DMRT3: variants seen among roughly 807,000 people sequenced by gnomAD.
DMRT3 encodes doublesex- and mab-3-related transcription factor 3.
DMRT3 carries 29 observed loss-of-function variants against 34.9 expected under a neutral mutation model. The observed-to-expected ratio is 0.83, with a 90% CI of 0.62 to 1.13. DMRT3 has a LOEUF of 1.13. DMRT3 is among the 50% of genes most tolerant of loss of function. The probability of loss-of-function intolerance (pLI) is 0.00; values close to 1 mark genes in which losing one functional copy is unlikely to be tolerated. For missense variants in DMRT3, 772 were observed against 629.1 expected (o/e 1.23, Z -2.43); for synonymous variants, 350 against 286.0 (o/e 1.22, Z -2.26).
chr9:990,245 GC>G lies in DMRT3; in HGVS notation c.663del (p.Lys222SerfsTer10). ...GGCAACCCCGAGAGCCGCCCTGACA[GC>G]CCCAAGTGTCACGCGGAGCAGAATC... is the stretch of plus-strand genomic sequence containing the variant. ...NGGNPESRPD[S>X]PKCHAEQNHL... On this transcript the variant is annotated frameshift_variant, in exon 2 of 2. Coordinates refer to ENST00000190165, the MANE Select transcript of DMRT3 (RefSeq NM_021240.4). LOFTEE classifies it high-confidence loss of function. 2 of 1,614,026 alleles carry G rather than the reference GC, an allele frequency of 1.2e-6. No homozygotes were observed. Among genetic ancestry groups the G allele is most frequent in the Non-Finnish European group, 1.7e-6 (2 of 1,180,028 alleles).
At position 990,889 on chromosome 9, in the gene DMRT3, A is replaced by G. The variant is rs1586687447; in HGVS notation, c.1303A>G (p.Ile435Val). The change falls in exon 2 of 2, where the codon ATT (isoleucine) becomes GTT (valine). Residue 435 changes from isoleucine to valine, a missense_variant. Coordinates refer to ENST00000190165, the MANE Select transcript of DMRT3 (RefSeq NM_021240.4). Reference sequence around the variant, plus strand: ...TGCCCGCGCCACGGAAGACCCTCGGATTTCCATCCCTGATGATGGGTGTCC... The same window carrying G: ...TGCCCGCGCCACGGAAGACCCTCGGGTTTCCATCCCTGATGATGGGTGTCC... ...LPARATEDPRISIPDDGCPFV... is the reference protein window; with the variant it reads ...LPARATEDPRVSIPDDGCPFV... 6.2e-7 allele frequency: 1 copy of G among 1,614,096 alleles called. No individual in the cohort carries two copies. The highest frequency in any genetic ancestry group is 8.5e-7 in the Non-Finnish European group (1 of 1,180,038).
At chr9:987,853 A>T (rs892383646) in intron 1 of DMRT3, among the ~76,000 whole-genome samples, 1 of 152,164 alleles carries the variant, frequency 6.6e-6, no homozygotes, top group African/African-American at 2.4e-5. Context: ...TTGTTTTTCC[A>T]ATTTCTAAAA....
At chr9:983,909 T>C (rs1204161167) in intron 1 of DMRT3, among the ~76,000 whole-genome samples, 1 of 67,698 alleles carries the variant, frequency 1.5e-5, no homozygotes, top group East Asian at 3.7e-4. Context: ...GCATGGCTAG[T>C]TTTTTTTTTT....
chr9:988,139 C>T (rs1820307916), intron 1 of DMRT3, among the ~76,000 whole-genome samples: 1 of 152,020 alleles, frequency 6.6e-6, no homozygotes, highest in African/African-American at 2.4e-5. Context: ...ATTTCTCTTA[C>T]AAAAATAGAG....
At chr9:984,472 T>A (rs189410253) in intron 1 of DMRT3, among the ~76,000 whole-genome samples, 319 of 152,116 alleles carry the variant, frequency 2.1e-3, no homozygotes, top group Admixed American at 3.9e-3. Context: ...TTTTTTTTTT[T>A]ATTTAGACAG....
intron 1 of DMRT3, among the ~76,000 whole-genome samples, chr9:987,597 T>G (rs927789251): frequency 6.6e-6 from 1 of 152,200 alleles, no homozygotes; most frequent in Non-Finnish European, 1.5e-5. Context: ...CAGGCCCTGT[T>G]TGCTTCTTCT....
At chr9:989,136 A>T (rs1230925130) in intron 1 of DMRT3, among the ~76,000 whole-genome samples, 1 of 152,184 alleles carries the variant, frequency 6.6e-6, no homozygotes. Flanking sequence ...GTATCTTCAA[A>T]TTTCACTGGC....
At chr9:981,471 G>C (rs557884981) in intron 1 of DMRT3, among the ~76,000 whole-genome samples, 5 of 152,234 alleles carry the variant, frequency 3.3e-5, no homozygotes, top group African/African-American at 1.2e-4. Flanking sequence ...TGAGGGTGAG[G>C]GGCTTGACTC....
In DMRT3 at chr9:990,311, C is replaced by G; in HGVS notation, c.725C>G (p.Pro242Arg). 1.2e-6 allele frequency: 2 copies of G among 1,613,728 alleles called. No homozygotes were observed. Among genetic ancestry groups the G allele is most frequent in the Non-Finnish European group, 1.7e-6 (2 of 1,180,016 alleles). The change falls in exon 2 of 2, where the codon CCC becomes CGC. Residue 242 changes from proline (P) to arginine (R), a missense_variant. Transcript: ENST00000190165. Reference protein sequence around the residue: ...IEGPSGTVSLPFSLKANRPPL... With the variant: ...IEGPSGTVSLRFSLKANRPPL... ...GGCCCCTCGGGGACTGTTTCTCTGC[C>G]CTTCAGCTTGAAAGCCAACAGACCG...
rs1820358595 is a variant in DMRT3, at chr9:991,076, G to A, written c.*71G>A. 6.5e-7 allele frequency: 1 copy of A among 1,534,024 alleles called. No individual in the cohort carries two copies. ...TTGACCCTGAGGCATCTGAGGAGAGGCCACATCTTGTGTATGCCCTTTCCT... is the reference window on the plus strand; with the variant it reads ...TTGACCCTGAGGCATCTGAGGAGAGACCACATCTTGTGTATGCCCTTTCCT... On this transcript the variant is annotated 3_prime_UTR_variant, in exon 2 of 2. Coordinates refer to ENST00000190165, the MANE Select transcript of DMRT3 (RefSeq NM_021240.4).
chr9:990,455 C>T lies in DMRT3; in HGVS notation c.869C>T (p.Ser290Phe). The change falls in exon 2 of 2, where the codon TCC (serine) becomes TTC (phenylalanine). Residue 290 changes from serine to phenylalanine, a missense_variant. By Grantham distance (155) the Ser-to-Phe change is radical. Coordinates refer to ENST00000190165, the MANE Select transcript of DMRT3 (RefSeq NM_021240.4). ...SAVEVLLSSR[S>F]SVTGAERTSA... ...GTGGAAGTCCTTCTGTCCAGCCGAT[C>T]CTCAGTCACGGGAGCAGAGCGAACT... The T allele has an allele frequency of 6.2e-7, 1 of 1,614,198 alleles. No homozygotes were observed. The highest frequency in any genetic ancestry group is 8.5e-7 in the Non-Finnish European group (1 of 1,180,034).
chr9:989,915 A>C, intron 1 of DMRT3, 126 bp from the exon 2 acceptor site: 1 of 1,233,642 alleles, frequency 8.1e-7, no homozygotes, highest in Non-Finnish European at 1.1e-6. Context: ...AAAGGCTTGT[A>C]GTATATTATG....
intron 1 of DMRT3, among the ~76,000 whole-genome samples, chr9:981,792 C>G (rs548788253): frequency 6.6e-6 from 1 of 152,332 alleles, no homozygotes; most frequent in East Asian, 1.9e-4. Context: ...GGGGTCGGAG[C>G]TGCAGCTGAG....
At chr9:983,957 C>T (rs1208805557) in intron 1 of DMRT3, among the ~76,000 whole-genome samples, 1 of 151,344 alleles carries the variant, frequency 6.6e-6, no homozygotes. Flanking sequence ...CCCGGCAATC[C>T]ACCCCAGGAA....
chr9:977,427 G>A lies in DMRT3; in HGVS notation c.426G>A (p.Gly142=), dbSNP rs1820166159. Residue 142 remains glycine (G), a synonymous_variant, in exon 1 of 2, where the codon GGG becomes GGA. Coordinates refer to ENST00000190165, the MANE Select transcript of DMRT3 (RefSeq NM_021240.4). ...GTTGGACTGCCGAGCCGCAGCCCGG[G>A]GCTCTGCAGGCGCAGCTCGCCAAGC... ...ALRWTAEPQP[G]ALQAQLAKPD... The A allele has an allele frequency of 7.8e-7, 1 of 1,274,382 alleles. No individual in the cohort carries two copies. The highest frequency in any genetic ancestry group is 9.9e-7 in the Non-Finnish European group (1 of 1,011,968). The allele number at this position is 1,274,382 out of a possible 1,614,324, so 78.9% of individuals were successfully genotyped here. A position where few individuals can be genotyped will look rare whatever the true frequency, so the allele number is the denominator to read the frequency against.
rs2130077823 is a variant in DMRT3, at chr9:990,627, C to T, written c.1041C>T (p.Ser347=). 2 of 1,614,156 alleles carry T rather than the reference C, an allele frequency of 1.2e-6. No homozygotes were observed. Among genetic ancestry groups the T allele is most frequent in the Non-Finnish European group, 1.7e-6 (2 of 1,180,014 alleles). The change falls in exon 2 of 2, where the codon AGC becomes AGT. Residue 347 remains serine, a synonymous_variant. Transcript: ENST00000190165. ...PDTLRFSADS[S]NVVPSPLAGP... is the part of the protein sequence containing the mutation. ...CGTTGAGGTTTTCTGCCGACTCTAG[C>T]AACGTTGTCCCCAGTCCCTTGGCTG... is the stretch of plus-strand genomic sequence containing the variant.
chr9:985,314 T>C lies in DMRT3; in HGVS notation c.455-4727T>C, dbSNP rs570596110. Among the ~76,000 whole-genome samples the C allele has an allele frequency of 3.9e-5, 6 of 152,358 alleles. No homozygotes were observed. The South Asian group carries it at 6.2e-4, about 16-fold the overall frequency. On this transcript the variant is annotated intron_variant, in intron 1 of 1. Coordinates refer to ENST00000190165, the MANE Select transcript of DMRT3 (RefSeq NM_021240.4). The stretch of plus-strand genomic sequence containing the variant: ...CCCATCTACCGGGGTAAAAATATTA[T>C]CAGTTGATATACACTCTTAATGTTC...
intron 1 of DMRT3, among the ~76,000 whole-genome samples, chr9:988,466 A>G (rs1171696000): frequency 6.6e-6 from 1 of 152,252 alleles, no homozygotes; most frequent in Non-Finnish European, 1.5e-5. Context: ...GTTTCTAAGT[A>G]GGCCTTTAAG....
intron 1 of DMRT3, among the ~76,000 whole-genome samples, chr9:980,834 T>C (rs975715947): frequency 1.3e-5 from 2 of 152,156 alleles, no homozygotes; most frequent in African/African-American, 4.8e-5. Context: ...AAGCTAAAGT[T>C]ACATTCTTGT....
Sources: allele counts gnomAD v4.1 joint callset (sites outside exome capture counted in the v4.1 genomes callset), GRCh38; gene constraint gnomAD v4.1.1; transcripts MANE v1.5; gene names NCBI Gene and HGNC (gene_info 2026-07-23, HGNC 2026-07-21).